Variants in CAST observed in about 807,000 individuals in gnomAD.
CAST encodes MIR583 host.
A neutral mutation model predicts 119.6 loss-of-function variants in CAST; 76 were observed. The observed-to-expected ratio is 0.64, with a 90% CI of 0.53 to 0.77. The LOEUF (loss-of-function observed/expected upper bound fraction) is 0.77, where lower values mean the gene tolerates loss of function less well. Among genes scored for constraint, CAST ranks in the 30% least tolerant of loss-of-function variants. The pLI is 0.00. For missense variants in CAST, 953 were observed against 946.5 expected, an observed-to-expected ratio of 1.01 and a Z score of -0.09; for synonymous variants, 319 against 331.6, an observed-to-expected ratio of 0.96 and a Z score of 0.41.
chr5:96,594,589 A>C (rs1274748671), intron 1 of CAST, among the ~76,000 whole-genome samples: 1 of 152,244 alleles, frequency 6.6e-6, no homozygotes, highest in Non-Finnish European at 1.5e-5. Context: ...ATTAAACACC[A>C]CATTAAAAAA....
chr5:96,010,475 C>T, the CAST span, among the ~76,000 whole-genome samples: 1 of 152,102 alleles, frequency 6.6e-6, no homozygotes, highest in African/African-American at 2.4e-5. Flanking sequence ...CCACACCTGG[C>T]TAATTTTTGT....
chr5:96,170,070 A>G, the CAST span, among the ~76,000 whole-genome samples: 1 of 152,088 alleles, frequency 6.6e-6, no homozygotes, highest in Non-Finnish European at 1.5e-5. Context: ...GTATGGACTT[A>G]CCCTCCACTG....
chr5:96,011,454 G>A, the CAST span, among the ~76,000 whole-genome samples: 1 of 152,158 alleles, frequency 6.6e-6, no homozygotes, highest in Non-Finnish European at 1.5e-5. Context: ...AAGCTGACAT[G>A]GGTACATAGT....
At chr5:96,345,194 C>A in the CAST span, among the ~76,000 whole-genome samples, 1,100 of 152,292 alleles carry the variant, frequency 7.2e-3, 13 homozygotes, top group African/African-American at 0.026. Context: ...TTTCAGCAAA[C>A]TTCAGTGACC....
At chr5:96,100,124 G>A in the CAST span, among the ~76,000 whole-genome samples, 3 of 152,200 alleles carry the variant, frequency 2.0e-5, no homozygotes, top group South Asian at 6.2e-4. Context: ...ATGTGTGAGG[G>A]CTAGCAATGC....
chr5:96,566,178 CAATT>C (rs1359052113), intron 1 of CAST, among the ~76,000 whole-genome samples: 3 of 152,164 alleles, frequency 2.0e-5, no homozygotes, highest in Admixed American at 6.5e-5. Context: ...TCTGACCTCT[CAATT>C]AAACCTGTAG....
chr5:96,363,947 C>A, the CAST span, among the ~76,000 whole-genome samples: 2 of 152,154 alleles, frequency 1.3e-5, no homozygotes, highest in East Asian at 3.8e-4. Context: ...TTTGCCCATT[C>A]AGTATGATAT....
chr5:95,988,809 G>A, the CAST span, among the ~76,000 whole-genome samples: 5 of 152,114 alleles, frequency 3.3e-5, no homozygotes, highest in South Asian at 2.1e-4. Context: ...TCTGACACCC[G>A]ATAAATGCTC....
intron 1 of CAST, among the ~76,000 whole-genome samples, chr5:96,632,850 G>GT (rs1747839579): frequency 6.6e-6 from 1 of 152,180 alleles, no homozygotes; most frequent in African/African-American, 2.4e-5. Context: ...ATTGGGAAGT[G>GT]TGAGTTCTCC....
In CAST at chr5:96,554,435, G is replaced by A. The variant is rs376693372; in HGVS notation, c.60+24555G>A. Among the ~76,000 whole-genome samples, 19 of 152,142 alleles carry A rather than the reference G, an allele frequency of 1.2e-4. No homozygotes were observed. The East Asian group carries it at 1.7e-3, about 14-fold the overall frequency. ...TGGATCAAAGACTTAACTGTAAGAC[G>A]TAGGACCATAAAAATCCTAGAAGAA... On this transcript the variant is annotated intron_variant, in intron 1 of 11. Coordinates refer to the CAST transcript ENST00000505143.
Position 96,572,398 on chromosome 5 carries a change from G to A in CAST, c.60+42518G>A, listed in dbSNP as rs1019663850. Among the ~76,000 whole-genome samples the A allele has an allele frequency of 1.8e-4, 27 of 151,976 alleles. No individual in the cohort carries two copies. In the South Asian group the frequency reaches 4.0e-3, roughly 22 times the overall value. On this transcript the variant is annotated intron_variant, in intron 1 of 11. Transcript: ENST00000505143. Reference sequence around the variant, plus strand: ...GTATTTTTGGTAGAGACGGGGTTTCGCCATGTTGGCCAGGCTGGTCTCGAA... The same window carrying A: ...GTATTTTTGGTAGAGACGGGGTTTCACCATGTTGGCCAGGCTGGTCTCGAA...
chr5:96,299,241 C>G, the CAST span, among the ~76,000 whole-genome samples: 1 of 149,456 alleles, frequency 6.7e-6, no homozygotes, highest in Non-Finnish European at 1.5e-5. Context: ...GCAAAAAACT[C>G]AGTCTCAAAA....
intron 1 of CAST, among the ~76,000 whole-genome samples, chr5:96,571,203 A>G (rs1746560512): frequency 6.6e-6 from 1 of 152,024 alleles, no homozygotes; most frequent in African/African-American, 2.4e-5. Context: ...CCAGCTCCAA[A>G]CCCTGCAGGG....
chr5:96,203,833 G>A, the CAST span, among the ~76,000 whole-genome samples: 1 of 151,960 alleles, frequency 6.6e-6, no homozygotes, highest in East Asian at 1.9e-4. Context: ...AAGTACCTAC[G>A]TTCCCCAAAG....
intron 4 of CAST, among the ~76,000 whole-genome samples, chr5:96,725,757 A>C (rs1759140256): frequency 6.6e-6 from 1 of 152,248 alleles, no homozygotes; most frequent in Non-Finnish European, 1.5e-5. Context: ...AGCTATTAAT[A>C]GATTCAAAGC....
At chr5:96,425,009 AAAGAAAGAAAGAAAGAAAGAAAGAAAG>A in the CAST span, among the ~76,000 whole-genome samples, 6 of 8,632 alleles carry the variant, frequency 7.0e-4, no homozygotes, top group Non-Finnish European at 1.8e-3. Context: ...GAAAGAAAGA[AAAGAAAGAAAGAAAGAAAGAAAGAAAG>A]AAAGAAAGAA....
chr5:96,053,860 T>TA, the CAST span, among the ~76,000 whole-genome samples: 1 of 152,226 alleles, frequency 6.6e-6, no homozygotes, highest in Non-Finnish European at 1.5e-5. Flanking sequence ...ATGATGAGCT[T>TA]AGTTGGTAAA....
the CAST span, among the ~76,000 whole-genome samples, chr5:95,981,352 C>A: frequency 6.6e-6 from 1 of 152,172 alleles, no homozygotes; most frequent in African/African-American, 2.4e-5. Flanking sequence ...CAACTTCTGC[C>A]CCTAAAATGA....
chr5:95,973,387 A>T, the CAST span: 1 of 152,858 alleles, frequency 6.5e-6, no homozygotes, highest in Non-Finnish European at 1.5e-5. Flanking sequence ...TCGTGTATTC[A>T]TCAAAGCATT....
Sources: allele counts gnomAD v4.1 joint callset (sites outside exome capture counted in the v4.1 genomes callset), GRCh38; gene constraint gnomAD v4.1.1; transcripts MANE v1.5; gene names NCBI Gene and HGNC (gene_info 2026-07-23, HGNC 2026-07-21).